Variants in APBB2 observed in about 807,000 individuals in gnomAD.
The protein encoded by APBB2 is amyloid beta precursor protein binding family B member 2.
A neutral mutation model predicts 82.5 loss-of-function variants in APBB2; 38 were observed. The observed-to-expected ratio is 0.46, with a 90% CI of 0.36 to 0.60. The LOEUF (loss-of-function observed/expected upper bound fraction) is 0.60. Ranked by LOEUF, APBB2 falls within the 20% of genes least tolerant of loss-of-function variation. APBB2 has a pLI of 0.00. For synonymous variants in APBB2, 341 were observed against 368.2 expected, an observed-to-expected ratio of 0.93 and a Z score of 0.85; for missense variants, 772 against 972.3, an observed-to-expected ratio of 0.79 and a Z score of 2.74.
intron 4 of APBB2, among the ~76,000 whole-genome samples, chr4:41,057,189 G>A (rs1159729925): frequency 6.6e-6 from 1 of 152,200 alleles, no homozygotes. Context: ...GGTGTCTCAA[G>A]CCTGTAATCC....
chr4:40,977,472 C>A (rs567339586), intron 6 of APBB2, among the ~76,000 whole-genome samples: 1 of 152,204 alleles, frequency 6.6e-6, no homozygotes, highest in East Asian at 1.9e-4. Flanking sequence ...ACTACCACAC[C>A]CAACTAATTT....
At chr4:40,833,470 G>A (rs1327151542) in intron 12 of APBB2, among the ~76,000 whole-genome samples, 1 of 152,138 alleles carries the variant, frequency 6.6e-6, no homozygotes, top group African/African-American at 2.4e-5. Flanking sequence ...CCAGCTCAAC[G>A]GTCCGCCTGG....
chr4:40,822,345 G>A (rs755526826), intron 16 of APBB2: 2 of 297,748 alleles, frequency 6.7e-6, no homozygotes, highest in Non-Finnish European at 1.3e-5. Context: ...GGACAGTGCC[G>A]TCCATACTTC....
chr4:41,033,056 T>G (rs1328143908), intron 5 of APBB2, among the ~76,000 whole-genome samples, 180 bp downstream of exon 5: 1 of 152,164 alleles, frequency 6.6e-6, no homozygotes, highest in East Asian at 1.9e-4. Flanking sequence ...GTGCTGGGAT[T>G]ACAGGCGTGA....
At chr4:41,203,291 A>C (rs1380696369) in intron 1 of APBB2, among the ~76,000 whole-genome samples, 2 of 152,240 alleles carry the variant, frequency 1.3e-5, no homozygotes, top group Non-Finnish European at 2.9e-5. Context: ...AATTCAAGTC[A>C]GCAGGAGATG....
At chr4:41,093,606 C>A (rs1742522214) in intron 3 of APBB2, among the ~76,000 whole-genome samples, 1 of 152,148 alleles carries the variant, frequency 6.6e-6, no homozygotes, top group South Asian at 2.1e-4. Flanking sequence ...GTAATCCCAG[C>A]ACTTTGGGAG....
intron 6 of APBB2, among the ~76,000 whole-genome samples, chr4:40,979,900 T>C (rs913498504): frequency 6.6e-6 from 1 of 152,232 alleles, no homozygotes; most frequent in Non-Finnish European, 1.5e-5. Flanking sequence ...ACAGAAGCTA[T>C]GGACGTTGTT....
chr4:41,214,165 G>A (rs920299158), intron 1 of APBB2, among the ~76,000 whole-genome samples: 5 of 152,274 alleles, frequency 3.3e-5, no homozygotes, highest in Admixed American at 3.3e-4. Context: ...CGCGGGCGCA[G>A]GGCGCACGGG....
At chr4:41,141,310 GTGTC>G (rs1259139499) in intron 2 of APBB2, among the ~76,000 whole-genome samples, 13 of 32,608 alleles carry the variant, frequency 4.0e-4, no homozygotes, top group African/African-American at 8.7e-4. Context: ...AAATATGTGT[GTGTC>G]TGTGTGTGTG....
chr4:40,964,693 C>T (rs1275447421), intron 6 of APBB2, among the ~76,000 whole-genome samples: 1 of 150,006 alleles, frequency 6.7e-6, no homozygotes, highest in Non-Finnish European at 1.5e-5. Flanking sequence ...AGCCCATGTA[C>T]ACATAGCCTA....
At chr4:41,156,993 G>A (rs1763629738) in intron 1 of APBB2, among the ~76,000 whole-genome samples, 1 of 150,956 alleles carries the variant, frequency 6.6e-6, no homozygotes, top group Non-Finnish European at 1.5e-5. Context: ...TTGAACCCAG[G>A]AGGCAGAGGT....
In APBB2 at chr4:40,817,420, G is replaced by GA. The variant is rs1032001469; in HGVS notation, c.2113-1162dup. ...TGAACCCTGTCTCAAAATAAATAAT[G>GA]AAAAAAAAATACAGCTGATCTTTGA... On this transcript the variant is annotated intron_variant, in intron 17 of 17. Transcript: ENST00000508593. Among the ~76,000 whole-genome samples the GA allele has an allele frequency of 2.3e-4, 34 of 150,294 alleles. 1 individual carries two copies. The highest frequency in any genetic ancestry group is 1.9e-3 in the South Asian group (9 of 4,738).
chr4:41,055,643 C>T (rs79635828), intron 4 of APBB2, among the ~76,000 whole-genome samples: 25,276 of 152,108 alleles, frequency 0.17, 2,252 homozygotes, highest in Non-Finnish European at 0.21. Context: ...ACTCCTCTCT[C>T]ATCTACTGAA....
chr4:40,835,779 A>C (rs1753715380), intron 12 of APBB2, among the ~76,000 whole-genome samples: 1 of 152,224 alleles, frequency 6.6e-6, no homozygotes, highest in African/African-American at 2.4e-5. Context: ...GCGGTGGTCC[A>C]GCGCAGGGGG....
chr4:41,021,638 C>G lies in APBB2; in HGVS notation c.20-7240G>C, dbSNP rs190346066. Among the ~76,000 whole-genome samples the G allele has an allele frequency of 3.3e-5, 5 of 152,256 alleles. No homozygotes were observed. In the East Asian group the frequency reaches 9.7e-4, roughly 29 times the overall value. The stretch of plus-strand genomic sequence containing the variant: ...ACTCTGTAAAATGGTCCGTTCAGTG[C>G]TCTGTAAAATGGACCAATCAGCAGG... On this transcript the variant is annotated intron_variant, in intron 5 of 17. Coordinates refer to ENST00000508593, the MANE Select transcript of APBB2 (RefSeq NM_004307.2).
chr4:40,969,324 T>A, intron 6 of APBB2, among the ~76,000 whole-genome samples: 1 of 152,184 alleles, frequency 6.6e-6, no homozygotes, highest in African/African-American at 2.4e-5. Context: ...TAAATGCTTT[T>A]AAGAAGAAAA....
intron 4 of APBB2, among the ~76,000 whole-genome samples, chr4:41,039,837 A>C (rs1480507116): frequency 5.1e-5 from 6 of 118,352 alleles, no homozygotes; most frequent in Non-Finnish European, 9.8e-5. Flanking sequence ...CCTTGTCTCA[A>C]AAAAAAAAAA....
chr4:40,968,911 G>C (rs551018358), intron 6 of APBB2, among the ~76,000 whole-genome samples: 1 of 152,130 alleles, frequency 6.6e-6, no homozygotes, highest in Non-Finnish European at 1.5e-5. Flanking sequence ...GAATCATGGG[G>C]GAGGTTTCCC....
intron 1 of APBB2, among the ~76,000 whole-genome samples, chr4:41,213,893 A>G (rs1052051800): frequency 1.3e-5 from 2 of 152,322 alleles, no homozygotes; most frequent in East Asian, 1.9e-4. Flanking sequence ...CCCCGGCAGG[A>G]GCGCGCTGCC....
Sources: allele counts gnomAD v4.1 joint callset (sites outside exome capture counted in the v4.1 genomes callset), GRCh38; gene constraint gnomAD v4.1.1; transcripts MANE v1.5; gene names NCBI Gene and HGNC (gene_info 2026-07-23, HGNC 2026-07-21).